DRC11: variants seen among roughly 807,000 people sequenced by gnomAD.
DRC11 encodes the protein dynein regulatory complex subunit 11, also known as IQ and AAA domain-containing protein 1.
At chr2:236,369,696 A>C in the DRC11 span, among the ~76,000 whole-genome samples, 2 of 152,264 alleles carry the variant, frequency 1.3e-5, no homozygotes, top group Non-Finnish European at 2.9e-5. This position sits in a 1 kb window ranked among gnomAD's most constrained non-coding sequence, Gnocchi z 4.5. Flanking sequence ...AGGCAAGGAC[A>C]CAAGTAGCCC....
At chr2:236,427,205 T>C in the DRC11 span, among the ~76,000 whole-genome samples, 1 of 152,212 alleles carries the variant, frequency 6.6e-6, no homozygotes, top group South Asian at 2.1e-4. The surrounding 1 kb of genome is among the most constrained non-coding windows in gnomAD (Gnocchi z 5.9). Flanking sequence ...GGTTTCTGCA[T>C]CTATGTTCAT....
chr2:236,372,990 CTT>C, the DRC11 span, among the ~76,000 whole-genome samples: 1 of 152,050 alleles, frequency 6.6e-6, no homozygotes, highest in South Asian at 2.1e-4. The surrounding 1 kb of genome is among the most constrained non-coding windows in gnomAD (Gnocchi z 4.5). Flanking sequence ...GTTGGATTTT[CTT>C]TGTCTGTCGT....
the DRC11 span, among the ~76,000 whole-genome samples, chr2:236,342,649 TG>T: frequency 6.6e-6 from 1 of 152,166 alleles, no homozygotes. This position sits in a 1 kb window ranked among gnomAD's most constrained non-coding sequence, Gnocchi z 5.8. Flanking sequence ...CGTGTAGAGC[TG>T]GGCATGCACA....
At chr2:236,317,016 C>T in the DRC11 span, among the ~76,000 whole-genome samples, 13 of 152,174 alleles carry the variant, frequency 8.5e-5, no homozygotes, top group African/African-American at 2.2e-4. The surrounding 1 kb of genome is among the most constrained non-coding windows in gnomAD (Gnocchi z 5.4). Flanking sequence ...AGGCGCTCAG[C>T]CGGGCGAGGT....
chr2:236,503,802 C>T, the DRC11 span: 1 of 1,054,036 alleles, frequency 9.5e-7, no homozygotes, highest in Non-Finnish European at 1.4e-6. The surrounding 1 kb of genome is among the most constrained non-coding windows in gnomAD (Gnocchi z 4.9). Context: ...GCCACGCCAG[C>T]CTGGGGAGCC....
chr2:236,309,749 T>C, the DRC11 span, among the ~76,000 whole-genome samples: 9 of 152,164 alleles, frequency 5.9e-5, no homozygotes, highest in African/African-American at 2.2e-4. This position sits in a 1 kb window ranked among gnomAD's most constrained non-coding sequence, Gnocchi z 5.7. Context: ...TTGAGGGCAC[T>C]GTGACCCCAG....
chr2:236,467,196 C>T, the DRC11 span, among the ~76,000 whole-genome samples: 8 of 152,192 alleles, frequency 5.3e-5, no homozygotes, highest in Non-Finnish European at 1.0e-4. Context: ...TAGGTCTATA[C>T]AATATAAAGA....
chr2:236,377,443 C>T, the DRC11 span, among the ~76,000 whole-genome samples: 1 of 152,104 alleles, frequency 6.6e-6, no homozygotes, highest in African/African-American at 2.4e-5. The surrounding 1 kb of genome is among the most constrained non-coding windows in gnomAD (Gnocchi z 4.9). Context: ...CGTCTGGGAC[C>T]AGCTCTAACT....
At chr2:236,342,796 G>A in the DRC11 span, among the ~76,000 whole-genome samples, 51 of 152,244 alleles carry the variant, frequency 3.3e-4, no homozygotes, top group African/African-American at 1.2e-3. The surrounding 1 kb of genome is among the most constrained non-coding windows in gnomAD (Gnocchi z 5.8). Flanking sequence ...TCCCCTCGCC[G>A]GCCTTGCAGA....
At chr2:236,402,069 T>C in the DRC11 span, among the ~76,000 whole-genome samples, 2 of 152,226 alleles carry the variant, frequency 1.3e-5, no homozygotes, top group African/African-American at 4.8e-5. This position sits in a 1 kb window ranked among gnomAD's most constrained non-coding sequence, Gnocchi z 6.0. Context: ...CCCCAGTGCG[T>C]GCCCCAGGTG....
chr2:236,507,382 G>C, the DRC11 span: 1 of 1,063,510 alleles, frequency 9.4e-7, no homozygotes, highest in Non-Finnish European at 1.5e-6. Flanking sequence ...ATTTGGGTGG[G>C]GGGTCTTCTG....
At chr2:236,468,637 T>C in the DRC11 span, among the ~76,000 whole-genome samples, 1 of 152,204 alleles carries the variant, frequency 6.6e-6, no homozygotes, top group African/African-American at 2.4e-5. Context: ...CCAATTCTTA[T>C]GTCGTCCAGG....
chr2:236,489,204 AGCTCCGGGTGCAGGTGAGGCCTGTGTGG>A, the DRC11 span, among the ~76,000 whole-genome samples: 8 of 34,690 alleles, frequency 2.3e-4, no homozygotes, highest in East Asian at 7.5e-4. Context: ...GGCCTGTATG[AGCTCCGGGTGCAGGTGAGGCCTGTGTGG>A]GCTCCGGGTG....
chr2:236,490,156 A>G, the DRC11 span, among the ~76,000 whole-genome samples: 208 of 152,282 alleles, frequency 1.4e-3, no homozygotes, highest in Middle Eastern at 0.01. This position sits in a 1 kb window ranked among gnomAD's most constrained non-coding sequence, Gnocchi z 5.5. Flanking sequence ...GGAAAGGCAC[A>G]TGTATACTGA....
chr2:236,310,450 G>C, the DRC11 span, among the ~76,000 whole-genome samples: 1 of 152,186 alleles, frequency 6.6e-6, no homozygotes, highest in African/African-American at 2.4e-5. The surrounding 1 kb of genome is among the most constrained non-coding windows in gnomAD (Gnocchi z 5.5). Flanking sequence ...TTTAATCCTG[G>C]TAGTGCCATA....
At chr2:236,500,153 G>A in the DRC11 span, among the ~76,000 whole-genome samples, 4 of 152,132 alleles carry the variant, frequency 2.6e-5, no homozygotes, top group Non-Finnish European at 4.4e-5. The surrounding 1 kb of genome is among the most constrained non-coding windows in gnomAD (Gnocchi z 6.3). Context: ...TATACTGTCA[G>A]TCACTGTCCT....
the DRC11 span, chr2:236,419,216 T>C: frequency 1.2e-5 from 18 of 1,546,222 alleles, no homozygotes; most frequent in Non-Finnish European, 1.6e-5. The surrounding 1 kb of genome is among the most constrained non-coding windows in gnomAD (Gnocchi z 4.8). Context: ...CTTTTTCTTC[T>C]TCTTCTTTTT....
chr2:236,459,624 C>CGTACGTAT, the DRC11 span, among the ~76,000 whole-genome samples: 18 of 82,644 alleles, frequency 2.2e-4, no homozygotes, highest in Admixed American at 4.2e-4. Flanking sequence ...TAAGTATATA[C>CGTACGTAT]ATACGTATAT....
chr2:236,427,716 T>C, the DRC11 span, among the ~76,000 whole-genome samples: 1 of 152,138 alleles, frequency 6.6e-6, no homozygotes, highest in East Asian at 1.9e-4. The surrounding 1 kb of genome is among the most constrained non-coding windows in gnomAD (Gnocchi z 5.9). Context: ...TGTTGTTTTT[T>C]TGAGGCTCCA....
Sources: allele counts gnomAD v4.1 joint callset (sites outside exome capture counted in the v4.1 genomes callset), GRCh38; gene constraint gnomAD v4.1.1; non-coding constraint Gnocchi (gnomAD v3.1); transcripts MANE v1.5; gene names NCBI Gene and HGNC (gene_info 2026-07-23, HGNC 2026-07-21).